The following NDFIP2 variants were observed in gnomAD, a reference collection of about 807,000 sequenced individuals.
NDFIP2 encodes the protein NEDD4 family-interacting protein 2.
In NDFIP2, 19 loss-of-function variants were observed where a neutral mutation model predicts 36.0. The observed-to-expected ratio is 0.53, with a 90% CI of 0.37 to 0.77. The LOEUF is 0.77. NDFIP2 is among the 30% of genes least tolerant of loss of function. The pLI is 0.00. For missense variants in NDFIP2, 446 were observed against 435.8 expected, an observed-to-expected ratio of 1.02 and a Z score of -0.21; for synonymous variants, 181 against 167.7, an observed-to-expected ratio of 1.08 and a Z score of -0.61.
chr13:79,490,903 C>T (rs182800500), intron 1 of NDFIP2, among the ~76,000 whole-genome samples: 106 of 152,274 alleles, frequency 7.0e-4, no homozygotes, highest in Admixed American at 3.0e-3. Flanking sequence ...GAATATAATA[C>T]TCCCTGTGAG....
At chr13:79,513,589 G>T (rs1874157558) in intron 1 of NDFIP2, among the ~76,000 whole-genome samples, 1 of 152,130 alleles carries the variant, frequency 6.6e-6, no homozygotes, top group African/African-American at 2.4e-5. Context: ...ACTTTGAGAG[G>T]GTGAGTGGAG....
At position 79,554,242 on chromosome 13, in the gene NDFIP2, G is replaced by A. The variant is rs1000260681; in HGVS notation, c.*1729G>A. 13 of 151,696 alleles carry A rather than the reference G, an allele frequency of 8.6e-5. No homozygotes were observed. Among genetic ancestry groups the A allele is most frequent in the African/African-American group, 3.1e-4 (13 of 41,406 alleles). The allele number at this position is 151,696 out of a possible 1,614,324, so 9.4% of individuals were successfully genotyped here. ...GGGTAAAGAAAAAATATTTAGTTTA[G>A]TTGCCTAATTTGGAAGTTAATTAAA... On this transcript the variant is annotated 3_prime_UTR_variant, in exon 8 of 8. Coordinates refer to ENST00000218652, the MANE Select transcript of NDFIP2 (RefSeq NM_019080.3).
At chr13:79,539,004 G>T (rs1215763699) in intron 3 of NDFIP2, among the ~76,000 whole-genome samples, 1 of 152,164 alleles carries the variant, frequency 6.6e-6, no homozygotes, top group Non-Finnish European at 1.5e-5. Flanking sequence ...CTGCTTGAGG[G>T]ACTGGCATCG....
chr13:79,549,930 C>T (rs993437219), intron 6 of NDFIP2, among the ~76,000 whole-genome samples: 1 of 151,790 alleles, frequency 6.6e-6, no homozygotes, highest in Non-Finnish European at 1.5e-5. Flanking sequence ...TTGTATCTCT[C>T]TTCTGTCTTT....
chr13:79,485,469 TATACTC>T (rs1163287419), intron 1 of NDFIP2, among the ~76,000 whole-genome samples: 1 of 152,234 alleles, frequency 6.6e-6, no homozygotes, highest in Non-Finnish European at 1.5e-5. Flanking sequence ...GAGTTTTAGT[TATACTC>T]ATTTCATTTT....
At chr13:79,548,541 A>G in intron 6 of NDFIP2, 147 bp downstream of exon 6, 2 of 659,206 alleles carry the variant, frequency 3.0e-6, no homozygotes, top group South Asian at 4.2e-5. Flanking sequence ...TTTTTAAACT[A>G]TTCTATATAG....
At chr13:79,513,329 A>G (rs1358865440) in intron 1 of NDFIP2, among the ~76,000 whole-genome samples, 1 of 152,240 alleles carries the variant, frequency 6.6e-6, no homozygotes, top group Non-Finnish European at 1.5e-5. Context: ...CAAATATTCA[A>G]AAAGTTCCAT....
At chr13:79,508,628 G>A (rs1032221603) in intron 1 of NDFIP2, among the ~76,000 whole-genome samples, 2 of 152,194 alleles carry the variant, frequency 1.3e-5, no homozygotes, top group African/African-American at 4.8e-5. Context: ...CGCCATCTTG[G>A]TTTTGGTGGG....
rs1391135138 is a variant in NDFIP2 at position 79,553,094 on chromosome 13, C to A, written c.*581C>A. 6.6e-6 allele frequency: 1 copy of A among 151,674 alleles called. No individual in the cohort carries two copies. Among genetic ancestry groups the A allele is most frequent in the Non-Finnish European group, 1.5e-5 (1 of 67,442 alleles). The allele number at this position is 151,674 out of a possible 1,614,324, so 9.4% of individuals were successfully genotyped here. A position where few individuals can be genotyped will look rare whatever the true frequency, so the allele number is the denominator to read the frequency against. ...TTAGGAAAACTCTTCCTGTAAATAA[C>A]CATGCATAACTTACTTTCTGCAATG... On this transcript the variant is annotated 3_prime_UTR_variant, in exon 8 of 8. Coordinates refer to ENST00000218652, the MANE Select transcript of NDFIP2 (RefSeq NM_019080.3).
At chr13:79,513,846 A>T (rs1274832994) in intron 1 of NDFIP2, among the ~76,000 whole-genome samples, 2 of 152,126 alleles carry the variant, frequency 1.3e-5, no homozygotes, top group Non-Finnish European at 2.9e-5. Flanking sequence ...CTAAGATCTG[A>T]GTAAGGTAAA....
intron 1 of NDFIP2, among the ~76,000 whole-genome samples, chr13:79,511,317 A>G (rs1874076421): frequency 6.6e-6 from 1 of 152,196 alleles, no homozygotes; most frequent in Non-Finnish European, 1.5e-5. Context: ...TAGCTTTCTC[A>G]TCTAGCTATG....
intron 4 of NDFIP2, among the ~76,000 whole-genome samples, chr13:79,541,749 T>C (rs908547363): frequency 5.3e-5 from 8 of 152,164 alleles, no homozygotes; most frequent in Non-Finnish European, 8.8e-5. Flanking sequence ...GGTTTAATTA[T>C]AACTTAAGCA....
At chr13:79,494,522 A>G (rs1375960000) in intron 1 of NDFIP2, among the ~76,000 whole-genome samples, 3 of 151,894 alleles carry the variant, frequency 2.0e-5, no homozygotes, top group African/African-American at 4.8e-5. Flanking sequence ...TAATTTTTGC[A>G]TGGTCAAAGG....
At position 79,500,447 on chromosome 13, in the gene NDFIP2, T is replaced by G. The variant is rs140949304; in HGVS notation, c.321+18923T>G. 3.6e-3 allele frequency among the ~76,000 whole-genome samples: 550 copies of G among 152,124 alleles called. 3 individuals are homozygous for G. Among genetic ancestry groups the G allele is most frequent in the African/African-American group, 0.013 (529 of 41,524 alleles). On this transcript the variant is annotated intron_variant, in intron 1 of 7. Coordinates refer to ENST00000218652, the MANE Select transcript of NDFIP2 (RefSeq NM_019080.3). ...GGAGAAAATCTTTGCAAAAGACGTC[T>G]GATAAAGGACTGCTATCCAAAATAT...
At chr13:79,521,790 C>T (rs896030724) in intron 2 of NDFIP2, among the ~76,000 whole-genome samples, 14 of 150,414 alleles carry the variant, frequency 9.3e-5, no homozygotes, top group African/African-American at 3.4e-4. Context: ...GAAGCTAATA[C>T]ATGCTTACTC....
In NDFIP2 at chr13:79,533,472, C is replaced by T; in HGVS notation, c.621+16C>T. 1 of 1,576,768 alleles carries T rather than the reference C, an allele frequency of 6.3e-7. No homozygotes were observed. Among genetic ancestry groups the T allele is most frequent in the African/African-American group, 1.4e-5 (1 of 72,570 alleles). On this transcript the variant is annotated intron_variant, in intron 3 of 7. Transcript: ENST00000218652. Reference sequence around the variant, plus strand: ...ATCTCAAAGAGTAAGAAAATTTCATCATTTCTTTTGATAAAATTATTTTCG... The same window carrying T: ...ATCTCAAAGAGTAAGAAAATTTCATTATTTCTTTTGATAAAATTATTTTCG...
intron 2 of NDFIP2, among the ~76,000 whole-genome samples, chr13:79,532,800 C>T (rs1437218888): frequency 6.6e-6 from 1 of 152,164 alleles, no homozygotes; most frequent in East Asian, 1.9e-4. Flanking sequence ...TCAGGAGCTT[C>T]CTGTGTCTGC....
At chr13:79,485,347 A>G (rs1177789610) in intron 1 of NDFIP2, among the ~76,000 whole-genome samples, 1 of 152,242 alleles carries the variant, frequency 6.6e-6, no homozygotes, top group African/African-American at 2.4e-5. Flanking sequence ...ACAGCTCAGT[A>G]TGAGGAAATG....
intron 1 of NDFIP2, among the ~76,000 whole-genome samples, chr13:79,502,438 C>T (rs766145315): frequency 3.9e-5 from 6 of 152,150 alleles, no homozygotes; most frequent in Non-Finnish European, 8.8e-5. Context: ...AGCTTCAGTC[C>T]AGTCCCTGGG....
Sources: gnomAD v4.1 joint callset for allele counts (sites outside exome capture counted in the v4.1 genomes callset) on GRCh38, gnomAD v4.1.1 for gene constraint, MANE v1.5 for transcripts, NCBI Gene and HGNC (gene_info 2026-07-23, HGNC 2026-07-21) for gene names.